The following KHDC4 variants were observed in gnomAD, a reference collection of about 807,000 sequenced individuals.
KHDC4 encodes KH domain containing 4, pre-mRNA splicing factor.
KHDC4 carries 19 observed loss-of-function variants against 74.5 expected under a neutral mutation model. The observed-to-expected ratio is 0.26, with a 90% CI of 0.18 to 0.37. KHDC4 has a LOEUF of 0.37. Ranked by LOEUF, KHDC4 falls within the 10% of genes least tolerant of loss-of-function variation. The pLI is 1.00. For synonymous variants in KHDC4, 253 were observed against 266.1 expected, an observed-to-expected ratio of 0.95 and a Z score of 0.48; for missense variants, 632 against 754.1, an observed-to-expected ratio of 0.84 and a Z score of 1.90.
chr1:155,933,045 T>C (rs1674176843), intron 2 of KHDC4, among the ~76,000 whole-genome samples: 1 of 152,298 alleles, frequency 6.6e-6, no homozygotes, highest in Admixed American at 6.5e-5. Context: ...AAAGCACATA[T>C]ATTAAAAACA....
intron 10 of KHDC4, 108 bp downstream of exon 10, chr1:155,921,267 A>G: frequency 7.4e-7 from 1 of 1,349,638 alleles, no homozygotes; most frequent in Non-Finnish European, 1.0e-6. Context: ...ACAGCAGGAA[A>G]AAGACATTCC....
chr1:155,921,930 G>A lies in KHDC4; in HGVS notation c.955-12C>T. 1 of 1,590,194 alleles carries A rather than the reference G, an allele frequency of 6.3e-7. No homozygotes were observed. Among genetic ancestry groups the A allele is most frequent in the Non-Finnish European group, 8.6e-7 (1 of 1,160,050 alleles). On this transcript the variant is annotated splice_polypyrimidine_tract_variant and intron_variant, in intron 8 of 13. Coordinates refer to ENST00000368321, the MANE Select transcript of KHDC4 (RefSeq NM_014949.4). Reference sequence around the variant, plus strand: ...TATTCAGCATGAACCTGAAAGAGAGGGGGAAACAAATTAACATGGGACAGC... The same window carrying A: ...TATTCAGCATGAACCTGAAAGAGAGAGGGAAACAAATTAACATGGGACAGC...
At chr1:155,917,817 T>C (rs1350742260) in intron 10 of KHDC4, 145 bp from the exon 11 acceptor site, 1 of 702,276 alleles carries the variant, frequency 1.4e-6, no homozygotes, top group East Asian at 2.8e-5. Flanking sequence ...ATGTATAATT[T>C]GGTAACATTA....
chr1:155,926,694 C>T lies in KHDC4; in HGVS notation c.663G>A (p.Lys221=), dbSNP rs1674008473. 1 of 1,614,046 alleles carries T rather than the reference C, an allele frequency of 6.2e-7. No homozygotes were observed. Among genetic ancestry groups the T allele is most frequent in the South Asian group, 1.1e-5 (1 of 91,088 alleles). ...AACATACCCCTGACTGGAAGGGAGG[C>T]TTCTGGCTAACAGCTGGAGACAACT... is the stretch of plus-strand genomic sequence containing the variant. ...IAQLSPAVSQ[K]PPFQSGMHYV... The change falls in exon 6 of 14, where the codon AAG becomes AAA. Residue 221 remains lysine (K), a synonymous_variant. Coordinates refer to ENST00000368321, the MANE Select transcript of KHDC4 (RefSeq NM_014949.4).
chr1:155,932,950 A>G (rs1255230103), intron 2 of KHDC4, among the ~76,000 whole-genome samples: 1 of 152,180 alleles, frequency 6.6e-6, no homozygotes, highest in East Asian at 1.9e-4. Flanking sequence ...ATAAATAAAT[A>G]AATAAATAAA....
Position 155,926,743 on chromosome 1 carries a change from T to C in KHDC4, c.614A>G (p.Tyr205Cys), listed in dbSNP as rs1354808946. ...PTFNGATVTV[Y>C]HQPAPIAQLS... Reference sequence around the variant, plus strand: ...CTGAGCGATGGGTGCTGGCTGGTGATAGACAGTTACTGTTGCACCATTAAA... The same window carrying C: ...CTGAGCGATGGGTGCTGGCTGGTGACAGACAGTTACTGTTGCACCATTAAA... Residue 205 changes from tyrosine to cysteine, a missense_variant, in exon 6 of 14, where the codon TAT (tyrosine) becomes TGT (cysteine). Around this residue, in one of 4 missense-constraint regions of KHDC4, gnomAD observed 233 missense variants for 342.6 expected, o/e 0.68. Coordinates refer to ENST00000368321, the MANE Select transcript of KHDC4 (RefSeq NM_014949.4). 3.7e-6 allele frequency: 6 copies of C among 1,614,064 alleles called. No homozygotes were observed. The African/African-American group carries it at 5.3e-5, about 14-fold the overall frequency.
chr1:155,917,355 G>A, intron 11 of KHDC4, 144 bp downstream of exon 11: 1 of 730,444 alleles, frequency 1.4e-6, no homozygotes, highest in Non-Finnish European at 2.4e-6. Flanking sequence ...AGAGTCTGTT[G>A]AATAGGATAA....
chr1:155,918,886 T>A (rs893910576), intron 10 of KHDC4, among the ~76,000 whole-genome samples: 6 of 151,490 alleles, frequency 4.0e-5, no homozygotes, highest in African/African-American at 1.5e-4. Context: ...AACCAAACCC[T>A]AGACAGGGCA....
intron 6 of KHDC4, chr1:155,926,324 A>ATTT: frequency 9.9e-6 from 2 of 202,010 alleles, no homozygotes; most frequent in South Asian, 9.1e-5. Flanking sequence ...ATTACTTGGC[A>ATTT]CTTTTTTTTT....
In KHDC4 at chr1:155,921,566, CATTGGATGGATA is replaced by C; in HGVS notation, c.1063_1074del (p.Tyr355_Asn358del). 1 of 1,613,980 alleles carries C rather than the reference CATTGGATGGATA, an allele frequency of 6.2e-7. No individual in the cohort carries two copies. On this transcript the variant is annotated inframe_deletion, in exon 10 of 14. Coordinates refer to ENST00000368321, the MANE Select transcript of KHDC4 (RefSeq NM_014949.4). ...ACAACAGGGTAACCAGACTGATAGC[CATTGGATGGATA>C]ATATGGTGGTTGAGGAGGGACACTA...
Position 155,922,236 on chromosome 1 carries a change from T to A in KHDC4, c.955-318A>T, listed in dbSNP as rs1345579096. On this transcript the variant is annotated intron_variant, in intron 8 of 13. Transcript: ENST00000368321. ...TCTCAGCTCACTGCAACCTCCACCT[T>A]CACGGTTTAAGCGATTCTCCTGCTT... 4.6e-5 allele frequency among the ~76,000 whole-genome samples: 7 copies of A among 150,648 alleles called. No individual in the cohort carries two copies. In the Admixed American group the frequency reaches 4.7e-4, roughly 10 times the overall value.
intron 11 of KHDC4, 137 bp downstream of exon 11, chr1:155,917,362 A>AT (rs1673755177): frequency 1.3e-6 from 1 of 771,516 alleles, no homozygotes; most frequent in African/African-American, 1.7e-5. Context: ...GTTGAATAGG[A>AT]TAAAAAACCT....
At chr1:155,928,645 A>AGAAAAAAG (rs1674076372) in intron 4 of KHDC4, among the ~76,000 whole-genome samples, 1 of 151,288 alleles carries the variant, frequency 6.6e-6, no homozygotes, top group Non-Finnish European at 1.5e-5. Context: ...CTATTTCCAC[A>AGAAAAAAG]GAAAAAAGTT....
At chr1:155,926,197 T>C in intron 6 of KHDC4, 1 of 431,742 alleles carries the variant, frequency 2.3e-6, no homozygotes, top group Non-Finnish European at 4.5e-6. Flanking sequence ...TGAAGAAATG[T>C]GTGATCAGGT....
chr1:155,921,348 A>C (rs1357308955), intron 10 of KHDC4, 27 bp downstream of exon 10: 1 of 1,609,940 alleles, frequency 6.2e-7, no homozygotes, highest in Non-Finnish European at 8.5e-7. Context: ...ATTCAGTAAT[A>C]TGTTGTTGCA....
At chr1:155,914,876 A>C (rs1673699064) in intron 13 of KHDC4, 1 of 153,042 alleles carries the variant, frequency 6.5e-6, no homozygotes, top group African/African-American at 2.4e-5. Flanking sequence ...TCCGTATCAG[A>C]TGACCTCCTG....
At chr1:155,926,502 G>A (rs540559176) in intron 6 of KHDC4, 174 bp downstream of exon 6, 8 of 639,496 alleles carry the variant, frequency 1.3e-5, no homozygotes, top group East Asian at 8.8e-5. Flanking sequence ...GGTAATGTTC[G>A]TGACGGGGTT....
intron 11 of KHDC4, among the ~76,000 whole-genome samples, chr1:155,917,140 TTTACAA>T: frequency 6.6e-6 from 1 of 152,320 alleles, no homozygotes; most frequent in South Asian, 2.1e-4. Flanking sequence ...AGTGGCTAAC[TTTACAA>T]TTACATGTAC....
chr1:155,926,996 T>G, intron 5 of KHDC4, 108 bp downstream of exon 5: 1 of 1,325,260 alleles, frequency 7.5e-7, no homozygotes, highest in South Asian at 1.2e-5. Context: ...GTATAGTTCA[T>G]GAACAAGGGT....
Sources: allele counts gnomAD v4.1 joint callset (sites outside exome capture counted in the v4.1 genomes callset), GRCh38; gene constraint gnomAD v4.1.1; regional missense constraint gnomAD v4.1.1; transcripts MANE v1.5; gene names NCBI Gene and HGNC (gene_info 2026-07-23, HGNC 2026-07-21).